CFAP61: variants seen among roughly 807,000 people sequenced by gnomAD.
CFAP61 encodes the protein cilia- and flagella-associated protein 61.
Under a neutral mutation model 135.6 loss-of-function variants are expected in CFAP61, and 107 were observed. The observed-to-expected ratio is 0.79, with a 90% CI of 0.67 to 0.93. CFAP61 has a LOEUF of 0.93. Among genes scored for constraint, CFAP61 ranks in the 40% least tolerant of loss-of-function variants. The pLI is 0.00. For synonymous variants in CFAP61, 575 were observed against 578.5 expected (o/e 0.99, Z 0.09); for missense variants, 1,507 against 1,556.2 (o/e 0.97, Z 0.53).
At chr20:20,270,959 A>G (rs2053299261) in intron 21 of CFAP61, among the ~76,000 whole-genome samples, 1 of 152,210 alleles carries the variant, frequency 6.6e-6, no homozygotes, top group Admixed American at 6.5e-5. Context: ...GGCGTGAGCC[A>G]CCGCACCCAG....
intron 25 of CFAP61, among the ~76,000 whole-genome samples, chr20:20,329,728 T>C (rs186277265): frequency 6.6e-6 from 1 of 152,308 alleles, no homozygotes; most frequent in Non-Finnish European, 1.5e-5. Flanking sequence ...GTTAGAGCAG[T>C]CAAACCACCT....
At chr20:20,180,217 T>C (rs2054951907) in intron 13 of CFAP61, among the ~76,000 whole-genome samples, 1 of 151,768 alleles carries the variant, frequency 6.6e-6, no homozygotes, top group Non-Finnish European at 1.5e-5. Context: ...TAGTCCCAGC[T>C]ACTGAGGAGG....
chr20:20,189,560 G>A (rs890072485), intron 14 of CFAP61, among the ~76,000 whole-genome samples: 2 of 150,210 alleles, frequency 1.3e-5, no homozygotes, highest in East Asian at 1.9e-4. Flanking sequence ...GTCAGCAAAC[G>A]TCCTAGTGGT....
At chr20:20,260,828 G>A (rs2052118119) in intron 20 of CFAP61, among the ~76,000 whole-genome samples, 1 of 152,152 alleles carries the variant, frequency 6.6e-6, no homozygotes. Context: ...TTAAACTGAT[G>A]TAATGTTACC....
chr20:20,207,578 G>A (rs967016024), intron 17 of CFAP61, among the ~76,000 whole-genome samples: 3 of 152,206 alleles, frequency 2.0e-5, no homozygotes, highest in Non-Finnish European at 4.4e-5. Flanking sequence ...TCTGCCTTTA[G>A]GGAAGAAAGG....
chr20:20,125,744 A>G (rs984438618), intron 8 of CFAP61, among the ~76,000 whole-genome samples: 2 of 151,616 alleles, frequency 1.3e-5, no homozygotes, highest in African/African-American at 4.9e-5. Context: ...TTGTTCTAAG[A>G]TATAGGTTAA....
chr20:20,199,803 C>T lies in CFAP61; in HGVS notation c.1833C>T (p.Ala611=). ...QNPYAHSLTS[A]LHYLVPVRPR... is the part of the protein sequence containing the mutation. Reference sequence around the variant, plus strand: ...CCTACGCCCACTCCCTGACATCTGCCCTTCATTACTTGGTTCCCGTGCGAC... The same window carrying T: ...CCTACGCCCACTCCCTGACATCTGCTCTTCATTACTTGGTTCCCGTGCGAC... The change falls in exon 17 of 27, where the codon GCC becomes GCT. Residue 611 remains alanine (A), a synonymous_variant. Transcript: ENST00000245957. The T allele has an allele frequency of 6.2e-7, 1 of 1,614,134 alleles. No homozygotes were observed. The highest frequency in any genetic ancestry group is 8.5e-7 in the Non-Finnish European group (1 of 1,179,996).
At chr20:20,122,476 T>C (rs1030135924) in intron 8 of CFAP61, among the ~76,000 whole-genome samples, 1 of 152,212 alleles carries the variant, frequency 6.6e-6, no homozygotes, top group African/African-American at 2.4e-5. Flanking sequence ...TATGCCTTTG[T>C]GTTCTCATAG....
At chr20:20,232,553 A>G (rs2049226873) in intron 18 of CFAP61, among the ~76,000 whole-genome samples, 1 of 152,038 alleles carries the variant, frequency 6.6e-6, no homozygotes, top group African/African-American at 2.4e-5. Context: ...AGTGTCCCAA[A>G]CAGGTTTTTT....
intron 25 of CFAP61, among the ~76,000 whole-genome samples, chr20:20,322,394 G>T (rs897929722): frequency 3.3e-5 from 5 of 152,156 alleles, no homozygotes; most frequent in Non-Finnish European, 5.9e-5. Context: ...AAAGAGAGAG[G>T]GATGGCAGGG....
At chr20:20,192,975 C>T (rs899050962) in intron 15 of CFAP61, among the ~76,000 whole-genome samples, 1 of 152,040 alleles carries the variant, frequency 6.6e-6, no homozygotes, top group Non-Finnish European at 1.5e-5. Context: ...TTAGAGGGCA[C>T]GCTCAGACAC....
At chr20:20,336,471 GA>G (rs2058195779) in intron 25 of CFAP61, among the ~76,000 whole-genome samples, 1 of 151,904 alleles carries the variant, frequency 6.6e-6, no homozygotes. Flanking sequence ...ATTCCAAATA[GA>G]AAATTAGGCA....
chr20:20,339,648 T>A (rs570886550), intron 25 of CFAP61, among the ~76,000 whole-genome samples: 17 of 152,008 alleles, frequency 1.1e-4, no homozygotes, highest in Non-Finnish European at 1.6e-4. Context: ...AATTTTTTTT[T>A]ATTTTTTATT....
At chr20:20,151,150 TA>T (rs1307829693) in intron 9 of CFAP61, among the ~76,000 whole-genome samples, 3 of 151,732 alleles carry the variant, frequency 2.0e-5, no homozygotes, top group Admixed American at 6.6e-5. Flanking sequence ...AGAAATTTTT[TA>T]AAAAAATACA....
chr20:20,064,534 A>G (rs1456042044), intron 2 of CFAP61, among the ~76,000 whole-genome samples: 1 of 152,202 alleles, frequency 6.6e-6, no homozygotes, highest in Non-Finnish European at 1.5e-5. Flanking sequence ...AGCAGCATCT[A>G]CAGTGTGGAT....
intron 8 of CFAP61, among the ~76,000 whole-genome samples, chr20:20,142,622 A>T (rs958146869): frequency 6.6e-6 from 1 of 152,128 alleles, no homozygotes; most frequent in African/African-American, 2.4e-5. Flanking sequence ...CATCATGTGA[A>T]TGAGGGCAAA....
intron 13 of CFAP61, 47 bp from the exon 14 acceptor site, chr20:20,187,883 A>G: frequency 1.4e-6 from 2 of 1,460,278 alleles, no homozygotes; most frequent in South Asian, 2.3e-5. Context: ...TGGGGGGAAT[A>G]CATATTTAGT....
At chr20:20,219,184 C>G (rs940641427) in intron 17 of CFAP61, among the ~76,000 whole-genome samples, 2 of 152,218 alleles carry the variant, frequency 1.3e-5, no homozygotes, top group Non-Finnish European at 2.9e-5. Context: ...AACTTACCCA[C>G]TCTGTCTAGC....
In CFAP61 at chr20:20,200,277, C is replaced by G. The variant is rs77552324; in HGVS notation, c.1932+375C>G. 2.8e-3 allele frequency among the ~76,000 whole-genome samples: 424 copies of G among 152,326 alleles called. 1 individual carries two copies. Among genetic ancestry groups the G allele is most frequent in the African/African-American group, 9.7e-3 (404 of 41,576 alleles). On this transcript the variant is annotated intron_variant, in intron 17 of 26. Coordinates refer to ENST00000245957, the MANE Select transcript of CFAP61 (RefSeq NM_015585.4). ...GCTTTCAATGCATTAAGTGGTCATTCGCTGTTAGGACAAAGCTGACAGAGA... is the reference window on the plus strand; with the variant it reads ...GCTTTCAATGCATTAAGTGGTCATTGGCTGTTAGGACAAAGCTGACAGAGA...
Sources: allele counts gnomAD v4.1 joint callset (sites outside exome capture counted in the v4.1 genomes callset), GRCh38; gene constraint gnomAD v4.1.1; transcripts MANE v1.5; gene names NCBI Gene and HGNC (gene_info 2026-07-23, HGNC 2026-07-21).